TPCN2: variants seen among roughly 807,000 people sequenced by gnomAD.
TPCN2 encodes the protein two pore channel protein 2.
TPCN2 carries 92 observed loss-of-function variants against 111.4 expected under a neutral mutation model. That is an observed-to-expected ratio of 0.83 (90% CI 0.70 to 0.98). TPCN2 has a LOEUF of 0.98. Among genes scored for constraint, TPCN2 ranks in the 50% least tolerant of loss-of-function variants. The probability of loss-of-function intolerance (pLI) is 0.00; values close to 1 mark genes in which losing one functional copy is unlikely to be tolerated. For synonymous variants in TPCN2, 405 were observed against 414.5 expected (o/e 0.98, Z 0.28); for missense variants, 995 against 980.1 (o/e 1.02, Z -0.20).
At chr11:69,071,884 G>A in intron 10 of TPCN2, 39 bp from the exon 11 acceptor site, 4 of 1,587,266 alleles carry the variant, frequency 2.5e-6, no homozygotes, top group Non-Finnish European at 3.5e-6. Flanking sequence ...TGAGCTGGGG[G>A]AGGGCTGATC....
chr11:69,072,825 G>T, intron 12 of TPCN2, 90 bp from the exon 13 acceptor site: 1 of 1,522,860 alleles, frequency 6.6e-7, no homozygotes, highest in Non-Finnish European at 9.1e-7. Flanking sequence ...TTCACAGCCC[G>T]TCAGGGTGGG....
At position 69,073,021 on chromosome 11, in the gene TPCN2, C is replaced by A. The variant is rs1380401545; in HGVS notation, c.1230+20C>A. Reference sequence around the variant, plus strand: ...AAAGAGGTAACTGGGGCCACAGCCGCCCAGGGTGGATAGTGGGGGCCTTCC... The same window carrying A: ...AAAGAGGTAACTGGGGCCACAGCCGACCAGGGTGGATAGTGGGGGCCTTCC... On this transcript the variant is annotated intron_variant, in intron 13 of 24. Transcript: ENST00000294309. 7 of 1,596,352 alleles carry A rather than the reference C, an allele frequency of 4.4e-6. No individual in the cohort carries two copies. The African/African-American group carries it at 9.4e-5, about 21-fold the overall frequency.
chr11:69,050,281 A>G (rs1861163383), intron 1 of TPCN2, among the ~76,000 whole-genome samples: 1 of 152,216 alleles, frequency 6.6e-6, no homozygotes. Flanking sequence ...GACGCCCAGC[A>G]TATGGCACCG....
In TPCN2 at chr11:69,063,002, G is replaced by T. The variant is rs1855090135; in HGVS notation, c.653+12G>T. The T allele has an allele frequency of 6.2e-7, 1 of 1,612,542 alleles. No individual in the cohort carries two copies. Among genetic ancestry groups the T allele is most frequent in the Non-Finnish European group, 8.5e-7 (1 of 1,178,754 alleles). ...CCGGAAATGGCCAGGTGGGCTCTTG[G>T]TGCTCTGGGCTCGCAGGGTTGGGAA... On this transcript the variant is annotated intron_variant, in intron 6 of 24. Coordinates refer to ENST00000294309, the MANE Select transcript of TPCN2 (RefSeq NM_139075.4).
intron 1 of TPCN2, among the ~76,000 whole-genome samples, chr11:69,053,735 C>T (rs753435478): frequency 1.1e-4 from 16 of 152,176 alleles, no homozygotes; most frequent in African/African-American, 1.7e-4. Context: ...CTCTGAACCC[C>T]GACGCTGGTG....
At chr11:69,049,198 G>C in intron 1 of TPCN2, 92 bp downstream of exon 1, 1 of 882,118 alleles carries the variant, frequency 1.1e-6, no homozygotes, top group Non-Finnish European at 1.5e-6. Context: ...TTTCTGCCGG[G>C]CGCGCCCCCA....
At chr11:69,065,849 C>A (rs1047173589) in intron 7 of TPCN2, among the ~76,000 whole-genome samples, 1 of 152,156 alleles carries the variant, frequency 6.6e-6, no homozygotes, top group Non-Finnish European at 1.5e-5. Flanking sequence ...TGGGCTGGCT[C>A]GGGTCCATCG....
At chr11:69,065,047 G>C (rs950452745) in intron 7 of TPCN2, among the ~76,000 whole-genome samples, 3 of 69,400 alleles carry the variant, frequency 4.3e-5, no homozygotes, top group African/African-American at 6.9e-5. Flanking sequence ...GTGTGGTGTC[G>C]TGTGTGTGGT....
Position 69,085,228 on chromosome 11 carries a change from G to A in TPCN2, c.1780G>A (p.Ala594Thr). Residue 594 changes from alanine (A) to threonine (T), a missense_variant, in exon 20 of 25, where the codon GCC (alanine) becomes ACC (threonine). Coordinates refer to ENST00000294309, the MANE Select transcript of TPCN2 (RefSeq NM_139075.4). Reference protein sequence around the residue: ...GILVVVYYVFAIIGINLFRGV... With the variant: ...GILVVVYYVFTIIGINLFRGV... ...CCGCCAGGTGGTCTACTACGTATTTGCCATCATTGGGATCAACTTGTTTAG... is the reference window on the plus strand; with the variant it reads ...CCGCCAGGTGGTCTACTACGTATTTACCATCATTGGGATCAACTTGTTTAG... The A allele has an allele frequency of 1.9e-6, 3 of 1,608,820 alleles. No homozygotes were observed. The highest frequency in any genetic ancestry group is 2.5e-6 in the Non-Finnish European group (3 of 1,176,782).
intron 13 of TPCN2, among the ~76,000 whole-genome samples, chr11:69,075,570 C>T (rs1855716804): frequency 6.6e-6 from 1 of 152,208 alleles, no homozygotes; most frequent in Admixed American, 6.5e-5. Flanking sequence ...GGCAGAGCTT[C>T]AGTTTGGGAG....
intron 13 of TPCN2, 100 bp from the exon 14 acceptor site, chr11:69,078,382 G>C: frequency 1.3e-6 from 2 of 1,492,664 alleles, no homozygotes; most frequent in Non-Finnish European, 1.8e-6. Flanking sequence ...GATGGGGTAG[G>C]AAAAAATCAA....
chr11:69,085,353 C>G lies in TPCN2; in HGVS notation c.1838+67C>G, dbSNP rs909008941. ...TGCTGGGGTGGGCGGGAAGCCTTGGCGGTGGCCTCAGTGGGCTCAGCATCT... is the reference window on the plus strand; with the variant it reads ...TGCTGGGGTGGGCGGGAAGCCTTGGGGGTGGCCTCAGTGGGCTCAGCATCT... On this transcript the variant is annotated intron_variant, in intron 20 of 24. Transcript: ENST00000294309. The G allele has an allele frequency of 9.1e-6, 13 of 1,428,844 alleles. No homozygotes were observed. The East Asian group carries it at 2.9e-4, about 32-fold the overall frequency. 88.5% of individuals were successfully genotyped at this position (1,428,844 alleles called of 1,614,324 possible).
At chr11:69,071,225 G>A (rs1855522264) in intron 9 of TPCN2, 131 bp from the exon 10 acceptor site, 2 of 707,880 alleles carry the variant, frequency 2.8e-6, no homozygotes, top group African/African-American at 1.7e-5. Context: ...ACCTGTGACT[G>A]CGCTGGCCAG....
At chr11:69,071,287 C>T (rs567460201) in intron 9 of TPCN2, 69 bp from the exon 10 acceptor site, 112 of 1,302,296 alleles carry the variant, frequency 8.6e-5, no homozygotes, top group Non-Finnish European at 1.1e-4. Flanking sequence ...TATCCTGTGC[C>T]GGCCACCCTT....
chr11:69,054,667 A>G, intron 2 of TPCN2, 54 bp from the exon 3 acceptor site: 1 of 1,555,118 alleles, frequency 6.4e-7, no homozygotes, highest in Non-Finnish European at 8.9e-7. Flanking sequence ...GGCTCGGGTC[A>G]CGGCCCACCC....
chr11:69,058,634 G>A (rs1428379892), intron 5 of TPCN2, among the ~76,000 whole-genome samples: 1 of 152,218 alleles, frequency 6.6e-6, no homozygotes, highest in African/African-American at 2.4e-5. Flanking sequence ...GGGAGTAGCT[G>A]CTGAGGAGAG....
At position 69,070,481 on chromosome 11, in the gene TPCN2, T is replaced by G. The variant is rs755076741; in HGVS notation, c.881T>G (p.Val294Gly). ...KNRAYAIFFIVFTVIGSLFLM... is the reference protein window; with the variant it reads ...KNRAYAIFFIGFTVIGSLFLM... The stretch of plus-strand genomic sequence containing the variant: ...CGGGCCTATGCCATCTTCTTCATAG[T>G]CTTCACTGTGATAGGTGAGTGCAGG... Residue 294 changes from valine to glycine, a missense_variant, in exon 9 of 25, where the codon GTC (valine) becomes GGC (glycine). By Grantham distance (109) the Val-to-Gly change is moderately radical. Transcript: ENST00000294309. The G allele has an allele frequency of 1.1e-5, 18 of 1,608,950 alleles. No individual in the cohort carries two copies. The highest frequency in any genetic ancestry group is 1.3e-5 in the Non-Finnish European group (15 of 1,177,972).
rs537159115 is a variant in TPCN2, at chr11:69,089,234, G to T, written c.*1281G>T. ...GAAGGTCATGAGTTTCTTTTTACTC[G>T]TGTTGAATAATAACAATAACAATAA... On this transcript the variant is annotated 3_prime_UTR_variant, in exon 25 of 25. Coordinates refer to ENST00000294309, the MANE Select transcript of TPCN2 (RefSeq NM_139075.4). 7.0e-6 allele frequency: 1 copy of T among 142,888 alleles called. No individual in the cohort carries two copies. The highest frequency in any genetic ancestry group is 1.6e-5 in the Non-Finnish European group (1 of 63,922). 8.9% of individuals were successfully genotyped at this position (142,888 alleles called of 1,614,324 possible). A position where few individuals can be genotyped will look rare whatever the true frequency, so the allele number is the denominator to read the frequency against.
At chr11:69,053,042 G>T (rs1266772272) in intron 1 of TPCN2, among the ~76,000 whole-genome samples, 3 of 152,216 alleles carry the variant, frequency 2.0e-5, no homozygotes, top group African/African-American at 7.2e-5. Context: ...GGGTGGCCCA[G>T]GCTCCCTGCA....
Sources: allele counts gnomAD v4.1 joint callset (sites outside exome capture counted in the v4.1 genomes callset), GRCh38; gene constraint gnomAD v4.1.1; transcripts MANE v1.5; gene names NCBI Gene and HGNC (gene_info 2026-07-23, HGNC 2026-07-21).